Variants in HECW1 observed in about 807,000 individuals in gnomAD.
The protein encoded by HECW1 is HECT, C2 and WW domain containing E3 ubiquitin protein ligase 1.
Under a neutral mutation model 182.3 loss-of-function variants are expected in HECW1, and 61 were observed. The ratio of observed to expected loss-of-function variants is 0.33; its 90% CI spans 0.27 to 0.41. HECW1 has a LOEUF of 0.41. HECW1 is among the 10% of genes least tolerant of loss of function. The pLI is 1.00. For missense variants in HECW1, 1,739 were observed against 2,108.9 expected (o/e 0.82, Z 3.44); for synonymous variants, 859 against 832.6 (o/e 1.03, Z -0.55).
At chr7:43,235,096 C>T (rs962176146) in intron 2 of HECW1, among the ~76,000 whole-genome samples, 1 of 152,204 alleles carries the variant, frequency 6.6e-6, no homozygotes, top group Non-Finnish European at 1.5e-5. Flanking sequence ...AGCCAGAGCA[C>T]ACCTGGGGCT....
intron 3 of HECW1, among the ~76,000 whole-genome samples, chr7:43,286,653 G>A (rs938546035): frequency 3.9e-5 from 6 of 151,952 alleles, no homozygotes; most frequent in African/African-American, 9.7e-5. Flanking sequence ...TTTTGTGCCC[G>A]GTAAAAGTTC....
intron 15 of HECW1, among the ~76,000 whole-genome samples, chr7:43,467,702 A>T (rs143306627): frequency 6.6e-6 from 1 of 152,182 alleles, no homozygotes; most frequent in Non-Finnish European, 1.5e-5. Context: ...GAATGGCTCC[A>T]TTCAGGGACA....
At chr7:43,311,734 C>A (rs1270523322) in intron 3 of HECW1, 29 bp from the exon 4 acceptor site, 9 of 1,608,588 alleles carry the variant, frequency 5.6e-6, no homozygotes, top group Non-Finnish European at 6.8e-6. Context: ...CGTGCCCTGA[C>A]CCTGCTCACT....
chr7:43,538,099 A>T (rs777283762), intron 24 of HECW1, among the ~76,000 whole-genome samples: 6 of 152,194 alleles, frequency 3.9e-5, no homozygotes, highest in Non-Finnish European at 7.4e-5. Context: ...TGGGCATCCA[A>T]CCTGAGTTAG....
At chr7:43,546,730 C>G (rs1330078123) in intron 26 of HECW1, among the ~76,000 whole-genome samples, 5 of 152,114 alleles carry the variant, frequency 3.3e-5, no homozygotes, top group African/African-American at 1.2e-4. Context: ...TCTCATTATC[C>G]AGGCTTTCTT....
At chr7:43,113,881 T>G (rs1288830419) in intron 1 of HECW1, 2 of 252,220 alleles carry the variant, frequency 7.9e-6, no homozygotes, top group East Asian at 1.2e-4. Flanking sequence ...TGTCTCTGTC[T>G]TGCACACAGA....
chr7:43,498,017 G>A (rs575425192), intron 19 of HECW1, among the ~76,000 whole-genome samples: 10 of 152,304 alleles, frequency 6.6e-5, no homozygotes, highest in Non-Finnish European at 1.3e-4. Flanking sequence ...CGATGGTCAA[G>A]GGATATATGT....
At chr7:43,265,295 G>A (rs1801652473) in intron 3 of HECW1, among the ~76,000 whole-genome samples, 1 of 152,110 alleles carries the variant, frequency 6.6e-6, no homozygotes, top group Non-Finnish European at 1.5e-5. Flanking sequence ...CAGCATGAAA[G>A]CTACACCTAC....
intron 8 of HECW1, among the ~76,000 whole-genome samples, chr7:43,422,954 G>C (rs1318691502): frequency 1.3e-5 from 2 of 152,174 alleles, no homozygotes; most frequent in African/African-American, 4.8e-5. Context: ...CAGGATTTAA[G>C]CACAATTGCT....
chr7:43,433,759 C>T (rs138956980), intron 8 of HECW1, among the ~76,000 whole-genome samples: 101 of 152,260 alleles, frequency 6.6e-4, no homozygotes, highest in Non-Finnish European at 1.0e-3. Context: ...TTTTCTGACC[C>T]GAGTGCCAGT....
At chr7:43,458,574 TAGC>T (rs1486606145) in intron 13 of HECW1, among the ~76,000 whole-genome samples, 5 of 152,356 alleles carry the variant, frequency 3.3e-5, no homozygotes, top group South Asian at 2.1e-4. Flanking sequence ...AAAAGGAATT[TAGC>T]ACTTTGAGAA....
intron 13 of HECW1, among the ~76,000 whole-genome samples, chr7:43,462,961 T>C (rs1295573215): frequency 6.6e-6 from 1 of 152,214 alleles, no homozygotes; most frequent in African/African-American, 2.4e-5. Flanking sequence ...CCCATTTCCC[T>C]TTTGTTACAT....
chr7:43,166,987 G>A (rs758941069), intron 2 of HECW1, among the ~76,000 whole-genome samples: 7 of 152,362 alleles, frequency 4.6e-5, no homozygotes, highest in Non-Finnish European at 8.8e-5. Context: ...ATGACGCAAG[G>A]CAGGCAAGAG....
At chr7:43,417,135 C>T (rs542404410) in intron 8 of HECW1, among the ~76,000 whole-genome samples, 1 of 152,326 alleles carries the variant, frequency 6.6e-6, no homozygotes, top group South Asian at 2.1e-4. Context: ...ACTGCAACCT[C>T]CACCTCCTGG....
intron 23 of HECW1, 123 bp from the exon 24 acceptor site, chr7:43,508,846 A>C: frequency 2.1e-6 from 2 of 930,818 alleles, no homozygotes; most frequent in Non-Finnish European, 3.3e-6. Flanking sequence ...TCCAAAGAGC[A>C]GAGGCTGCTC....
chr7:43,383,827 T>TAACA (rs58654756), intron 6 of HECW1, among the ~76,000 whole-genome samples: 64,024 of 142,658 alleles, frequency 0.45, 13,885 homozygotes, highest in African/African-American at 0.53. Context: ...GCCTTGCCAG[T>TAACA]AACAGTTGAT....
In HECW1 at chr7:43,561,954, C is replaced by A; in HGVS notation, c.*28C>A. 1 of 1,349,266 alleles carries A rather than the reference C, an allele frequency of 7.4e-7. No homozygotes were observed. Among genetic ancestry groups the A allele is most frequent in the African/African-American group, 1.4e-5 (1 of 69,640 alleles). The allele number at this position is 1,349,266 out of a possible 1,614,324, so 83.6% of individuals were successfully genotyped here. A position where few individuals can be genotyped will look rare whatever the true frequency, so the allele number is the denominator to read the frequency against. ...ACATGGAACCTCGCCTGACATTTTCCTGGCCAGTGACATCACCCTTCCTGG... is the reference window on the plus strand; with the variant it reads ...ACATGGAACCTCGCCTGACATTTTCATGGCCAGTGACATCACCCTTCCTGG... On this transcript the variant is annotated 3_prime_UTR_variant, in exon 30 of 30. Coordinates refer to ENST00000395891, the MANE Select transcript of HECW1 (RefSeq NM_015052.5).
chr7:43,214,660 A>G (rs1338802943), intron 2 of HECW1, among the ~76,000 whole-genome samples: 1 of 152,232 alleles, frequency 6.6e-6, no homozygotes, highest in Non-Finnish European at 1.5e-5. Flanking sequence ...GCCTAATTTA[A>G]GGAGCATTTC....
intron 5 of HECW1, among the ~76,000 whole-genome samples, chr7:43,323,488 C>T (rs990739737): frequency 3.3e-5 from 5 of 151,830 alleles, no homozygotes; most frequent in Admixed American, 6.6e-5. Context: ...TGGGAGGCTG[C>T]GGTGGAAGCA....
Sources: gnomAD v4.1 joint callset for allele counts (sites outside exome capture counted in the v4.1 genomes callset) on GRCh38, gnomAD v4.1.1 for gene constraint, MANE v1.5 for transcripts, NCBI Gene and HGNC (gene_info 2026-07-23, HGNC 2026-07-21) for gene names.